Variants in LRRC37A2 observed in about 807,000 individuals in gnomAD.
LRRC37A2 encodes the protein leucine-rich repeat-containing protein 37A2.
LRRC37A2 carries 9 observed loss-of-function variants against 68.8 expected under a neutral mutation model. The ratio of observed to expected loss-of-function variants is 0.13; its 90% CI spans 0.08 to 0.23. The LOEUF is 0.23. Ranked by LOEUF, LRRC37A2 falls within the 10% of genes least tolerant of loss-of-function variation. LRRC37A2 has a pLI of 1.00. For synonymous variants in LRRC37A2, 63 were observed against 367.6 expected (o/e 0.17, Z 9.48); for missense variants, 168 against 950.4 (o/e 0.18, Z 10.82).
chr17:46,791,620 A>C, the LRRC37A2 span, among the ~76,000 whole-genome samples: 1 of 152,158 alleles, frequency 6.6e-6, no homozygotes, highest in Non-Finnish European at 1.5e-5. Flanking sequence ...CCACCAGGCC[A>C]GGCATGCCCT....
At chr17:46,751,418 C>T in the LRRC37A2 span, 1 of 967,512 alleles carries the variant, frequency 1.0e-6, no homozygotes, top group East Asian at 2.5e-5. Context: ...GTTCTTATCA[C>T]TCTTCTTTTA....
At chr17:46,732,168 C>T in the LRRC37A2 span, among the ~76,000 whole-genome samples, 2 of 152,140 alleles carry the variant, frequency 1.3e-5, no homozygotes, top group Admixed American at 1.3e-4. Flanking sequence ...AAAGGAGGAA[C>T]TATACTTATA....
the LRRC37A2 span, among the ~76,000 whole-genome samples, chr17:46,717,672 A>G: frequency 6.6e-6 from 1 of 152,200 alleles, no homozygotes; most frequent in African/African-American, 2.4e-5. Flanking sequence ...AGAGCACACC[A>G]CTGCACTCCA....
At chr17:46,836,095 CGTG>C in the LRRC37A2 span, among the ~76,000 whole-genome samples, 5 of 126,434 alleles carry the variant, frequency 4.0e-5, no homozygotes, top group Admixed American at 8.1e-5. Flanking sequence ...GAGACGCTGA[CGTG>C]TGTGTGTGTG....
At chr17:47,008,949 C>T in the LRRC37A2 span, among the ~76,000 whole-genome samples, 140 of 151,968 alleles carry the variant, frequency 9.2e-4, no homozygotes, top group African/African-American at 3.3e-3. Context: ...ATTGATTTTG[C>T]TGAAAGGAAG....
At chr17:46,492,433 C>T in the LRRC37A2 span, among the ~76,000 whole-genome samples, 675 of 150,734 alleles carry the variant, frequency 4.5e-3, no homozygotes, top group Middle Eastern at 0.031. Flanking sequence ...TTGAATATTT[C>T]AATTATTTCT....
the LRRC37A2 span, among the ~76,000 whole-genome samples, chr17:46,894,578 C>CG: frequency 2.0e-5 from 3 of 152,200 alleles, no homozygotes; most frequent in Non-Finnish European, 4.4e-5. Flanking sequence ...GCCGGCACTG[C>CG]GGGGGTCCCC....
At chr17:46,945,882 G>C in the LRRC37A2 span, among the ~76,000 whole-genome samples, 3 of 152,280 alleles carry the variant, frequency 2.0e-5, no homozygotes, top group East Asian at 5.8e-4. Context: ...GATCGCTGCC[G>C]GGTGCTGTCC....
chr17:46,994,351 C>A, the LRRC37A2 span, among the ~76,000 whole-genome samples: 1 of 150,234 alleles, frequency 6.7e-6, no homozygotes, highest in Non-Finnish European at 1.5e-5. Context: ...TGCCATTACA[C>A]TCCAGCCTGG....
At chr17:46,771,115 C>CCCGCGGCCGCTCT in the LRRC37A2 span, among the ~76,000 whole-genome samples, 7 of 152,212 alleles carry the variant, frequency 4.6e-5, no homozygotes, top group Admixed American at 1.3e-4. Flanking sequence ...CCTCTTGGCT[C>CCCGCGGCCGCTCT]CCGCGGCCGC....
chr17:46,713,911 C>G, the LRRC37A2 span: 2 of 1,612,868 alleles, frequency 1.2e-6, no homozygotes, highest in African/African-American at 1.3e-5. Flanking sequence ...AATCCAACTT[C>G]CCGTTCATCA....
chr17:47,029,800 G>C, the LRRC37A2 span, among the ~76,000 whole-genome samples: 1 of 152,038 alleles, frequency 6.6e-6, no homozygotes, highest in African/African-American at 2.4e-5. Context: ...CGGGAGCGGT[G>C]GCTCATGCCT....
At chr17:46,807,768 CAA>C in the LRRC37A2 span, among the ~76,000 whole-genome samples, 7 of 152,152 alleles carry the variant, frequency 4.6e-5, no homozygotes, top group Admixed American at 1.3e-4. Flanking sequence ...GATTCAATAA[CAA>C]AATAAAAACG....
chr17:46,903,749 G>A, the LRRC37A2 span, among the ~76,000 whole-genome samples: 1 of 150,628 alleles, frequency 6.6e-6, no homozygotes, highest in Non-Finnish European at 1.5e-5. Flanking sequence ...ATGAATGGGT[G>A]GGTGAGTGGA....
At chr17:46,891,475 G>A in the LRRC37A2 span, among the ~76,000 whole-genome samples, 1 of 152,168 alleles carries the variant, frequency 6.6e-6, no homozygotes, top group Non-Finnish European at 1.5e-5. Flanking sequence ...TGGATGGTCT[G>A]CATTCACCCC....
the LRRC37A2 span, among the ~76,000 whole-genome samples, chr17:46,467,855 G>A: frequency 2.9e-5 from 3 of 102,360 alleles, no homozygotes; most frequent in African/African-American, 1.1e-4. Context: ...GGGCTCAACA[G>A]CGTCAGCTCT....
At chr17:46,794,610 ACC>A in the LRRC37A2 span, among the ~76,000 whole-genome samples, 1 of 152,016 alleles carries the variant, frequency 6.6e-6, no homozygotes, top group African/African-American at 2.4e-5. Context: ...CAGCACCTTA[ACC>A]CATTCTCACA....
the LRRC37A2 span, chr17:46,936,052 C>T: frequency 6.1e-6 from 6 of 985,822 alleles, no homozygotes; most frequent in Non-Finnish European, 7.2e-6. Flanking sequence ...TCCCTGCCAT[C>T]TCTACGGGGG....
chr17:47,019,164 C>T, the LRRC37A2 span: 1 of 1,354,918 alleles, frequency 7.4e-7, no homozygotes. Flanking sequence ...GCATTCACAC[C>T]TGACTCGAGC....
Sources: allele counts gnomAD v4.1 joint callset (sites outside exome capture counted in the v4.1 genomes callset), GRCh38; gene constraint gnomAD v4.1.1; transcripts MANE v1.5; gene names NCBI Gene and HGNC (gene_info 2026-07-23, HGNC 2026-07-21).